The following MAF variants were observed in gnomAD, a reference collection of about 807,000 sequenced individuals.
The protein encoded by MAF is MAF bZIP transcription factor.
In MAF, 10 loss-of-function variants were observed where a neutral mutation model predicts 22.0. The observed-to-expected ratio is 0.45, with a 90% CI of 0.28 to 0.77. The LOEUF (loss-of-function observed/expected upper bound fraction) is 0.77. MAF is among the 30% of genes least tolerant of loss of function. The probability of loss-of-function intolerance (pLI) is 0.12; values close to 1 mark genes in which losing one functional copy is unlikely to be tolerated. For synonymous variants in MAF, 337 were observed against 255.8 expected (o/e 1.32, Z -3.03); for missense variants, 544 against 548.4 (o/e 0.99, Z 0.08).
the MAF span, among the ~76,000 whole-genome samples, chr16:79,314,981 G>A: frequency 1.3e-5 from 2 of 152,224 alleles, no homozygotes; most frequent in South Asian, 4.1e-4. Context: ...TTCCTCTGCA[G>A]TATTGAGACA....
chr16:79,408,110 G>A, the MAF span, among the ~76,000 whole-genome samples: 2 of 124,190 alleles, frequency 1.6e-5, no homozygotes, highest in East Asian at 3.1e-4. Context: ...ACCTAAAGGC[G>A]TGGTGGAGGG....
At chr16:79,252,490 T>A in the MAF span, among the ~76,000 whole-genome samples, 1 of 151,850 alleles carries the variant, frequency 6.6e-6, no homozygotes, top group African/African-American at 2.4e-5. Flanking sequence ...CTGGTTTCGA[T>A]TTTTTTTCTT....
chr16:79,214,437 C>T, the MAF span, among the ~76,000 whole-genome samples: 1 of 152,122 alleles, frequency 6.6e-6, no homozygotes, highest in African/African-American at 2.4e-5. Context: ...GGCTACATTA[C>T]CACTGTCGCC....
At chr16:79,313,596 G>A in the MAF span, among the ~76,000 whole-genome samples, 4 of 152,142 alleles carry the variant, frequency 2.6e-5, no homozygotes, top group East Asian at 7.7e-4. Context: ...CCTTGGTGGG[G>A]CCACAATTTT....
the MAF span, among the ~76,000 whole-genome samples, chr16:79,218,389 C>CAA: frequency 6.6e-6 from 1 of 152,158 alleles, no homozygotes; most frequent in Non-Finnish European, 1.5e-5. Flanking sequence ...ACTAATGGTT[C>CAA]AATTAGCATC....
the MAF span, among the ~76,000 whole-genome samples, chr16:79,355,348 G>A: frequency 1.3e-5 from 2 of 152,254 alleles, no homozygotes; most frequent in East Asian, 3.8e-4. Context: ...AGCTCAGGCT[G>A]TGGTCGTCCT....
At chr16:79,327,105 G>A in the MAF span, among the ~76,000 whole-genome samples, 1 of 152,188 alleles carries the variant, frequency 6.6e-6, no homozygotes, top group Non-Finnish European at 1.5e-5. Context: ...GCAGTACAGG[G>A]GAAATCTCTG....
chr16:79,534,241 TA>T, the MAF span, among the ~76,000 whole-genome samples: 1 of 152,364 alleles, frequency 6.6e-6, no homozygotes, highest in African/African-American at 2.4e-5. Context: ...TGTCATTTAT[TA>T]TTTTTTCTGT....
chr16:79,549,206 G>T, the MAF span, among the ~76,000 whole-genome samples: 1 of 151,876 alleles, frequency 6.6e-6, no homozygotes, highest in Non-Finnish European at 1.5e-5. Context: ...GTGTCCAGTG[G>T]CATTTCCTGA....
At chr16:79,215,135 G>A in the MAF span, among the ~76,000 whole-genome samples, 1 of 152,218 alleles carries the variant, frequency 6.6e-6, no homozygotes, top group African/African-American at 2.4e-5. Context: ...TAAATTGATA[G>A]AGCTGCAGTT....
At chr16:79,585,894 G>A (rs1454319349) in exon 2 of MAF, 1 of 679,154 alleles carries the variant, frequency 1.5e-6, no homozygotes, top group Non-Finnish European at 2.6e-6. Context: ...TTGACTTCAG[G>A]CAACTGGATT....
chr16:79,255,390 C>A, the MAF span, among the ~76,000 whole-genome samples: 468 of 152,326 alleles, frequency 3.1e-3, 7 homozygotes, highest in Admixed American at 0.023. Context: ...TGGGAGACAG[C>A]TACCTCCTGT....
the MAF span, among the ~76,000 whole-genome samples, chr16:79,528,641 A>C: frequency 6.6e-6 from 1 of 151,198 alleles, no homozygotes; most frequent in Non-Finnish European, 1.5e-5. Flanking sequence ...GCTTTGAGAG[A>C]TATCAATTCG....
At chr16:79,317,778 C>T in the MAF span, among the ~76,000 whole-genome samples, 1 of 152,166 alleles carries the variant, frequency 6.6e-6, no homozygotes, top group Non-Finnish European at 1.5e-5. Context: ...CTGATGCTAG[C>T]CCACTGGACA....
chr16:79,269,157 G>A, the MAF span, among the ~76,000 whole-genome samples: 21 of 152,286 alleles, frequency 1.4e-4, 1 homozygote, highest in African/African-American at 4.6e-4. Flanking sequence ...CACCCAAGAT[G>A]TCTTGGTGTT....
chr16:79,306,894 T>C, the MAF span, among the ~76,000 whole-genome samples: 4 of 152,140 alleles, frequency 2.6e-5, no homozygotes, highest in Non-Finnish European at 5.9e-5. Context: ...CATTACAGGG[T>C]TGTTTTGAGG....
the MAF span, among the ~76,000 whole-genome samples, chr16:79,419,582 T>C: frequency 1.8e-4 from 28 of 152,306 alleles, no homozygotes; most frequent in Non-Finnish European, 3.5e-4. Flanking sequence ...CCACCTCTTA[T>C]CTTCCATGTC....
the MAF span, among the ~76,000 whole-genome samples, chr16:79,545,984 G>C: frequency 6.6e-6 from 1 of 151,948 alleles, no homozygotes; most frequent in African/African-American, 2.4e-5. Flanking sequence ...CTATTTCACA[G>C]TGTAAACATA....
chr16:79,328,684 A>G, the MAF span, among the ~76,000 whole-genome samples: 1 of 152,160 alleles, frequency 6.6e-6, no homozygotes, highest in Admixed American at 6.5e-5. Flanking sequence ...TGGCCAATAT[A>G]ACTCCATTAG....
Sources: allele counts gnomAD v4.1 joint callset (sites outside exome capture counted in the v4.1 genomes callset), GRCh38; gene constraint gnomAD v4.1.1; transcripts MANE v1.5; gene names NCBI Gene and HGNC (gene_info 2026-07-23, HGNC 2026-07-21).